Variants in SPAG9 observed in about 807,000 individuals in gnomAD.
The protein encoded by SPAG9 is C-Jun-amino-terminal kinase-interacting protein 4.
In SPAG9, 35 loss-of-function variants were observed where a neutral mutation model predicts 166.5. That is an observed-to-expected ratio of 0.21 (90% CI 0.16 to 0.28). The LOEUF is 0.28. SPAG9 is among the 10% of genes least tolerant of loss of function. The pLI, the probability that SPAG9 is intolerant of heterozygous loss-of-function variation, is 1.00. For synonymous variants in SPAG9, 534 were observed against 565.5 expected (o/e 0.94, Z 0.79); for missense variants, 1,235 against 1,603.3 (o/e 0.77, Z 3.92).
intron 1 of SPAG9, among the ~76,000 whole-genome samples, chr17:51,091,650 CTTTT>C (rs71355706): frequency 0.01 from 1,585 of 151,752 alleles, 10 homozygotes; most frequent in Non-Finnish European, 0.016. Context: ...CACATACCCA[CTTTT>C]TTTTAAGGAC....
chr17:51,007,178 T>C, intron 10 of SPAG9, 91 bp downstream of exon 10: 1 of 668,660 alleles, frequency 1.5e-6, no homozygotes, highest in Admixed American at 2.5e-5. Context: ...ACAGGGAGAT[T>C]CCATTAGTAT....
Position 51,000,125 on chromosome 17 carries a change from G to A in SPAG9, c.1608-408C>T, listed in dbSNP as rs77477062. Reference sequence around the variant, plus strand: ...ACTCGGAGCTCTCACAAAATAGCTTGAAACTTTGGCATCCTGAGGGGTCAT... The same window carrying A: ...ACTCGGAGCTCTCACAAAATAGCTTAAAACTTTGGCATCCTGAGGGGTCAT... On this transcript the variant is annotated intron_variant, in intron 13 of 29. Coordinates refer to ENST00000262013, the MANE Select transcript of SPAG9 (RefSeq NM_001130528.3). Among the ~76,000 whole-genome samples, 353 of 152,214 alleles carry A rather than the reference G, an allele frequency of 2.3e-3. 1 individual carries two copies. Among genetic ancestry groups the A allele is most frequent in the African/African-American group, 8.1e-3 (336 of 41,538 alleles).
chr17:51,083,543 T>TTTA (rs1555656696), intron 1 of SPAG9, among the ~76,000 whole-genome samples: 2 of 141,108 alleles, frequency 1.4e-5, no homozygotes, highest in East Asian at 2.1e-4. Context: ...AGCCTCTTTA[T>TTTA]TTTATTTATT....
At chr17:51,084,556 G>A (rs1369970776) in intron 1 of SPAG9, among the ~76,000 whole-genome samples, 4 of 152,072 alleles carry the variant, frequency 2.6e-5, no homozygotes, top group African/African-American at 9.7e-5. Context: ...ACAGGCATGG[G>A]CTACCACGCC....
At chr17:51,060,488 G>C (rs1024706787) in intron 2 of SPAG9, among the ~76,000 whole-genome samples, 2 of 144,212 alleles carry the variant, frequency 1.4e-5, no homozygotes, top group Non-Finnish European at 3.0e-5. Flanking sequence ...CGGTGACAGA[G>C]CGGGACTTTG....
chr17:51,027,881 G>A (rs1355147677), intron 6 of SPAG9, among the ~76,000 whole-genome samples: 1 of 152,086 alleles, frequency 6.6e-6, no homozygotes, highest in Admixed American at 6.5e-5. Context: ...CCTTCAGGAA[G>A]TACTCTAGAA....
chr17:50,987,533 G>T (rs372003585), intron 21 of SPAG9, among the ~76,000 whole-genome samples: 1 of 146,440 alleles, frequency 6.8e-6, no homozygotes, highest in Non-Finnish European at 1.5e-5. Context: ...AAAAAAAAAA[G>T]AAACCACCAA....
At chr17:51,021,639 T>C (rs1258318967) in intron 6 of SPAG9, among the ~76,000 whole-genome samples, 1 of 152,194 alleles carries the variant, frequency 6.6e-6, no homozygotes, top group African/African-American at 2.4e-5. Flanking sequence ...TATACATTAA[T>C]GTCAATATCA....
At chr17:50,978,880 C>T (rs959439558) in intron 26 of SPAG9, among the ~76,000 whole-genome samples, 1 of 152,088 alleles carries the variant, frequency 6.6e-6, no homozygotes, top group Non-Finnish European at 1.5e-5. Flanking sequence ...ATATCTGCAC[C>T]TTGGTTACTA....
At chr17:51,007,879 CA>C in intron 9 of SPAG9, 2 of 440,420 alleles carry the variant, frequency 4.5e-6, no homozygotes, top group South Asian at 1.6e-5. Flanking sequence ...CCATGTAAAG[CA>C]AAAACAAAGA....
In SPAG9 at chr17:51,053,852, AAAGTATATATAT is replaced by A. The variant is rs1415383133; in HGVS notation, c.495+2548_495+2559del. 1.9e-3 allele frequency among the ~76,000 whole-genome samples: 96 copies of A among 49,306 alleles called. 1 individual carries two copies. Among genetic ancestry groups the A allele is most frequent in the African/African-American group, 0.01 (93 of 9,128 alleles). 32.3% of individuals were successfully genotyped at this position (49,306 alleles called of 152,430 possible). A position where few individuals can be genotyped will look rare whatever the true frequency, so the allele number is the denominator to read the frequency against. ...GACCCTAATTAAAAAAAAAAAAAAA[AAAGTATATATAT>A]ATATATATATATATATATATATATA... On this transcript the variant is annotated intron_variant, in intron 3 of 29. Transcript: ENST00000262013.
At position 51,001,855 on chromosome 17, in the gene SPAG9, C is replaced by G. The variant is rs373097224; in HGVS notation, c.1477-10G>C. The G allele has an allele frequency of 1.1e-4, 178 of 1,609,330 alleles. No homozygotes were observed. The African/African-American group carries it at 2.3e-3, about 21-fold the overall frequency. On this transcript the variant is annotated splice_polypyrimidine_tract_variant and intron_variant, in intron 12 of 29. Coordinates refer to ENST00000262013, the MANE Select transcript of SPAG9 (RefSeq NM_001130528.3). The stretch of plus-strand genomic sequence containing the variant: ...CTGTGGGAATATCACTCTATAATGA[C>G]AAGAAAATGACATATCATTCTGGAA...
At chr17:51,004,887 A>C (rs781546470) in intron 12 of SPAG9, among the ~76,000 whole-genome samples, 50 of 152,344 alleles carry the variant, frequency 3.3e-4, no homozygotes, top group Middle Eastern at 3.4e-3. Context: ...TTAAGCTTTC[A>C]TATTTCTAAA....
intron 8 of SPAG9, among the ~76,000 whole-genome samples, chr17:51,016,778 G>A (rs2045715000): frequency 1.3e-5 from 2 of 152,156 alleles, no homozygotes; most frequent in Admixed American, 6.5e-5. Flanking sequence ...GGTGGCTCAC[G>A]CCTGTAATCC....
chr17:51,118,341 G>A (rs1322935970), intron 1 of SPAG9, among the ~76,000 whole-genome samples: 1 of 152,000 alleles, frequency 6.6e-6, no homozygotes, highest in Non-Finnish European at 1.5e-5. Context: ...TTTTTTTAGA[G>A]TCATTTACTC....
At chr17:51,095,593 G>GT (rs987715712) in intron 1 of SPAG9, among the ~76,000 whole-genome samples, 3 of 146,564 alleles carry the variant, frequency 2.0e-5, no homozygotes, top group Non-Finnish European at 4.5e-5. Context: ...GGAGGCTGCA[G>GT]TGAGCCGAGA....
At chr17:51,059,829 C>T (rs2047454934) in intron 2 of SPAG9, among the ~76,000 whole-genome samples, 1 of 151,906 alleles carries the variant, frequency 6.6e-6, no homozygotes, top group Admixed American at 6.6e-5. Flanking sequence ...ACTTTTACCA[C>T]CTTCATCACT....
intron 8 of SPAG9, among the ~76,000 whole-genome samples, chr17:51,018,349 G>A (rs1210882588): frequency 1.3e-5 from 2 of 151,388 alleles, no homozygotes; most frequent in Admixed American, 1.3e-4. Context: ...AGGCGACAGA[G>A]CAAGACTGCA....
rs886579795 is a variant in SPAG9 at position 51,095,279 on chromosome 17, G to A, written c.304-15575C>T. Among the ~76,000 whole-genome samples the A allele has an allele frequency of 3.0e-5, 4 of 134,114 alleles. No individual in the cohort carries two copies. The Admixed American group carries it at 3.2e-4, about 11-fold the overall frequency. The allele number at this position is 134,114 out of a possible 152,430, so 88.0% of individuals were successfully genotyped here. On this transcript the variant is annotated intron_variant, in intron 1 of 29. Coordinates refer to ENST00000262013, the MANE Select transcript of SPAG9 (RefSeq NM_001130528.3). ...CCACTGCACTCCAGCCTGGGGGACA[G>A]AGTGAGACTCCATCTTTAAAAAAAA...
Sources: gnomAD v4.1 joint callset for allele counts (sites outside exome capture counted in the v4.1 genomes callset) on GRCh38, gnomAD v4.1.1 for gene constraint, MANE v1.5 for transcripts, NCBI Gene and HGNC (gene_info 2026-07-23, HGNC 2026-07-21) for gene names.